ZFYVE28: variants seen among roughly 807,000 people sequenced by gnomAD.
ZFYVE28 encodes the protein lateral signaling target protein 2 homolog.
In ZFYVE28, 40 loss-of-function variants were observed where a neutral mutation model predicts 82.1. The observed-to-expected ratio is 0.49, with a 90% CI of 0.38 to 0.63. ZFYVE28 has a LOEUF of 0.63. ZFYVE28 is among the 30% of genes least tolerant of loss of function. The pLI, the probability that ZFYVE28 is intolerant of heterozygous loss-of-function variation, is 0.00. For synonymous variants in ZFYVE28, 612 were observed against 546.1 expected, an observed-to-expected ratio of 1.12 and a Z score of -1.68; for missense variants, 1,321 against 1,242.1, an observed-to-expected ratio of 1.06 and a Z score of -0.96.
At chr4:2,322,775 C>T (rs1441325173) in intron 6 of ZFYVE28, among the ~76,000 whole-genome samples, 1 of 152,108 alleles carries the variant, frequency 6.6e-6, no homozygotes, top group Non-Finnish European at 1.5e-5. Context: ...ACTGGCAATC[C>T]CTCATCTGCT....
chr4:2,417,445 G>C lies in ZFYVE28; in HGVS notation c.39+840C>G, dbSNP rs1005028559. Among the ~76,000 whole-genome samples, 15 of 150,444 alleles carry C rather than the reference G, an allele frequency of 1.0e-4. No individual in the cohort carries two copies. The highest frequency in any genetic ancestry group is 3.1e-4 in the African/African-American group (13 of 41,350). ...CGACTGGCGCAGCCGCTGAGGCACG[G>C]GGCGCGCCGCCCGGACCCCGACCCC... is the stretch of plus-strand genomic sequence containing the variant. On this transcript the variant is annotated intron_variant, in intron 1 of 12. Coordinates refer to ENST00000290974, the MANE Select transcript of ZFYVE28 (RefSeq NM_020972.3). This position sits in a 1 kb window ranked among gnomAD's most constrained non-coding sequence, Gnocchi z 4.8.
intron 1 of ZFYVE28, among the ~76,000 whole-genome samples, chr4:2,359,626 C>G (rs1186775990): frequency 6.6e-6 from 1 of 152,216 alleles, no homozygotes; most frequent in Non-Finnish European, 1.5e-5. Flanking sequence ...AGCCCTGCCA[C>G]GCAGTAGTCT....
chr4:2,304,328 G>GA lies in ZFYVE28; in HGVS notation c.2011_2012insT (p.Pro671LeufsTer69). The GA allele has an allele frequency of 6.2e-7, 1 of 1,602,926 alleles. No homozygotes were observed. Among genetic ancestry groups the GA allele is most frequent in the South Asian group, 1.1e-5 (1 of 90,870 alleles). On this transcript the variant is annotated frameshift_variant, in exon 8 of 13. Coordinates refer to ENST00000290974, the MANE Select transcript of ZFYVE28 (RefSeq NM_020972.3). LOFTEE classifies it high-confidence loss of function. ...GGCCTGAGGCGCCTCGTGAGCCGAG[G>GA]GGCTCCCAGCATGCAGCTCTCTGGC...
Position 2,304,690 on chromosome 4 carries a change from G to T in ZFYVE28, c.1650C>A (p.His550Gln). The change falls in exon 8 of 13, where the codon CAC (histidine) becomes CAA (glutamine). Residue 550 changes from histidine (H) to glutamine (Q), a missense_variant. His to Gln is a conservative substitution (Grantham distance 24, BLOSUM62 0). Coordinates refer to ENST00000290974, the MANE Select transcript of ZFYVE28 (RefSeq NM_020972.3). Reference protein sequence around the residue: ...PVAEGMDGGPHKLSTGATNCL... With the variant: ...PVAEGMDGGPQKLSTGATNCL... ...AGTTGGTGGCCCCAGTGCTAAGCTT[G>T]TGGGGGCCGCCATCCATCCCCTCGG... 1 of 1,612,628 alleles carries T rather than the reference G, an allele frequency of 6.2e-7. No homozygotes were observed. Among genetic ancestry groups the T allele is most frequent in the East Asian group, 2.2e-5 (1 of 44,880 alleles).
intron 7 of ZFYVE28, among the ~76,000 whole-genome samples, chr4:2,313,346 T>C (rs1717758421): frequency 1.3e-5 from 2 of 152,070 alleles, no homozygotes; most frequent in Admixed American, 1.3e-4. Flanking sequence ...TTGCAACTTC[T>C]GCCTCCTGGG....
intron 1 of ZFYVE28, among the ~76,000 whole-genome samples, chr4:2,404,862 T>TTC (rs1553867255): frequency 1.4e-5 from 2 of 140,228 alleles, no homozygotes; most frequent in South Asian, 2.2e-4. Context: ...TCGCTCTTTT[T>TTC]TTTTTTTTTT....
chr4:2,368,612 C>T (rs765285127), intron 1 of ZFYVE28, among the ~76,000 whole-genome samples: 1 of 152,204 alleles, frequency 6.6e-6, no homozygotes, highest in Admixed American at 6.5e-5. Context: ...GTGTCTGTTA[C>T]TGTCACAGAG....
rs575077731 is a variant in ZFYVE28 at position 2,300,258 on chromosome 4, C to T, written c.2051+4031G>A. On this transcript the variant is annotated intron_variant, in intron 8 of 12. Transcript: ENST00000290974. The surrounding 1 kb of genome is among the most constrained non-coding windows in gnomAD (Gnocchi z 4.6). ...CAACCAGCCTGAGTGGACTTTCTGT[C>T]ATCTAGACAAGTAACTTCCAAGGGT... Among the ~76,000 whole-genome samples the T allele has an allele frequency of 2.6e-5, 4 of 152,296 alleles. No individual in the cohort carries two copies. In the East Asian group the frequency reaches 7.7e-4, roughly 29 times the overall value.
At chr4:2,292,634 C>G (rs772170841) in intron 8 of ZFYVE28, among the ~76,000 whole-genome samples, 3 of 152,214 alleles carry the variant, frequency 2.0e-5, no homozygotes, top group Non-Finnish European at 4.4e-5. Flanking sequence ...ATTCAACAGA[C>G]AGTCTGCTAG....
At chr4:2,297,196 G>A (rs1004034794) in intron 8 of ZFYVE28, among the ~76,000 whole-genome samples, 1 of 152,252 alleles carries the variant, frequency 6.6e-6, no homozygotes, top group African/African-American at 2.4e-5. Flanking sequence ...TCTGGGCTGC[G>A]CACCGGGAGC....
In ZFYVE28 at chr4:2,320,935, A is replaced by T. The variant is rs1180265498; in HGVS notation, c.702-664T>A. Among the ~76,000 whole-genome samples, 1 of 152,078 alleles carries T rather than the reference A, an allele frequency of 6.6e-6. No homozygotes were observed. The highest frequency in any genetic ancestry group is 6.5e-5 in the Admixed American group (1 of 15,272). ...AGTCCGGCTCAAAGCCTGCTGAAGGACAAGCTTCCCAGATGCCACCTCCAG... is the reference window on the plus strand; with the variant it reads ...AGTCCGGCTCAAAGCCTGCTGAAGGTCAAGCTTCCCAGATGCCACCTCCAG... On this transcript the variant is annotated intron_variant, in intron 6 of 12. Transcript: ENST00000290974. This position sits in a 1 kb window ranked among gnomAD's most constrained non-coding sequence, Gnocchi z 5.1.
intron 1 of ZFYVE28, among the ~76,000 whole-genome samples, chr4:2,356,273 G>T (rs1261031547): frequency 6.6e-6 from 1 of 152,158 alleles, no homozygotes; most frequent in Non-Finnish European, 1.5e-5. Flanking sequence ...CCTTCCCTGG[G>T]ACTGTTCACA....
chr4:2,299,229 C>T (rs182861743), intron 8 of ZFYVE28, among the ~76,000 whole-genome samples: 24 of 152,200 alleles, frequency 1.6e-4, no homozygotes, highest in Non-Finnish European at 2.8e-4. Context: ...AAAACGCAGG[C>T]GCTAACAGAA....
chr4:2,350,322 G>T (rs531067633), intron 2 of ZFYVE28, among the ~76,000 whole-genome samples: 46 of 152,148 alleles, frequency 3.0e-4, no homozygotes, highest in Non-Finnish European at 6.0e-4. Context: ...AAATTAGCCG[G>T]GCGAGGTGGC....
intron 1 of ZFYVE28, among the ~76,000 whole-genome samples, chr4:2,384,129 A>C (rs1729007709): frequency 6.6e-6 from 1 of 152,186 alleles, no homozygotes; most frequent in Non-Finnish European, 1.5e-5. Context: ...TTGGGTTCCC[A>C]CATTCTACCC....
intron 1 of ZFYVE28, among the ~76,000 whole-genome samples, chr4:2,410,088 C>A (rs1421744384): frequency 6.6e-6 from 1 of 152,208 alleles, no homozygotes; most frequent in Non-Finnish European, 1.5e-5. Context: ...AAAAGTGGTA[C>A]AATTCCTTTT....
intron 8 of ZFYVE28, among the ~76,000 whole-genome samples, chr4:2,296,632 C>CA (rs1714609399): frequency 6.6e-6 from 1 of 152,168 alleles, no homozygotes; most frequent in African/African-American, 2.4e-5. Context: ...CCAATGGCTG[C>CA]AGCAGCCTAG....
intron 10 of ZFYVE28, among the ~76,000 whole-genome samples, chr4:2,272,566 G>A (rs547759209): frequency 1.2e-4 from 19 of 152,330 alleles, no homozygotes; most frequent in South Asian, 2.1e-4. Context: ...ATGTGTGCAC[G>A]TGTATGTGCA....
intron 1 of ZFYVE28, among the ~76,000 whole-genome samples, chr4:2,395,883 G>C (rs567361576): frequency 6.6e-6 from 1 of 152,158 alleles, no homozygotes; most frequent in South Asian, 2.1e-4. Context: ...GACACTTGGC[G>C]CCAGGGGGTT....
Sources: gnomAD v4.1 joint callset for allele counts (sites outside exome capture counted in the v4.1 genomes callset) on GRCh38, gnomAD v4.1.1 for gene constraint, Gnocchi (gnomAD v3.1) non-coding constraint, MANE v1.5 for transcripts, NCBI Gene and HGNC (gene_info 2026-07-23, HGNC 2026-07-21) for gene names.